THSD7B: variants seen among roughly 807,000 people sequenced by gnomAD.
THSD7B encodes the protein thrombospondin type-1 domain-containing protein 7B.
THSD7B carries 138 observed loss-of-function variants against 213.6 expected under a neutral mutation model. The observed-to-expected ratio is 0.65, with a 90% CI of 0.56 to 0.74. The LOEUF is 0.74. THSD7B is among the 30% of genes least tolerant of loss of function. The pLI is 0.00. For missense variants in THSD7B, 1,931 were observed against 1,991.5 expected (o/e 0.97, Z 0.58); for synonymous variants, 742 against 687.0 (o/e 1.08, Z -1.25).
At chr2:137,629,366 G>T (rs992859166) in intron 20 of THSD7B, among the ~76,000 whole-genome samples, 1 of 152,184 alleles carries the variant, frequency 6.6e-6, no homozygotes, top group Non-Finnish European at 1.5e-5. Context: ...AGATCTCCGT[G>T]TTATTCCAAC....
intron 2 of THSD7B, among the ~76,000 whole-genome samples, chr2:136,917,906 A>AT (rs1318431048): frequency 6.6e-6 from 1 of 152,222 alleles, no homozygotes; most frequent in African/African-American, 2.4e-5. Context: ...TAGCTGAAAT[A>AT]TACTGGCTTA....
chr2:137,301,968 G>T (rs1394762484), intron 12 of THSD7B, among the ~76,000 whole-genome samples: 1 of 152,048 alleles, frequency 6.6e-6, no homozygotes, highest in African/African-American at 2.4e-5. Flanking sequence ...TACTTGAAAA[G>T]ACCCAAGCAA....
intron 3 of THSD7B, among the ~76,000 whole-genome samples, chr2:137,062,679 G>A (rs1236572252): frequency 6.6e-6 from 1 of 151,692 alleles, no homozygotes; most frequent in African/African-American, 2.4e-5. Context: ...TATGTTGTAT[G>A]ATTTCTATTC....
intron 7 of THSD7B, among the ~76,000 whole-genome samples, chr2:137,228,119 T>C (rs1681551551): frequency 6.6e-6 from 1 of 150,836 alleles, no homozygotes; most frequent in South Asian, 2.1e-4. Flanking sequence ...GCTAGACACA[T>C]TGCAGCTGAA....
intron 22 of THSD7B, 48 bp from the exon 23 acceptor site, chr2:137,656,748 G>C: frequency 6.4e-7 from 1 of 1,560,742 alleles, no homozygotes; most frequent in Non-Finnish European, 8.7e-7. Flanking sequence ...GTTGTCCAGT[G>C]CCACTTTTCA....
At chr2:137,013,146 A>G in intron 2 of THSD7B, among the ~76,000 whole-genome samples, 1 of 152,250 alleles carries the variant, frequency 6.6e-6, no homozygotes. Context: ...CACATGCTTT[A>G]AAGTTTAAAT....
chr2:136,923,762 A>T (rs1451698766), intron 2 of THSD7B, among the ~76,000 whole-genome samples: 1 of 152,182 alleles, frequency 6.6e-6, no homozygotes, highest in Non-Finnish European at 1.5e-5. Flanking sequence ...CTTTTGGAGA[A>T]CTGTAAATTC....
intron 20 of THSD7B, among the ~76,000 whole-genome samples, chr2:137,638,220 T>C (rs1682869042): frequency 6.6e-6 from 1 of 152,226 alleles, no homozygotes; most frequent in Non-Finnish European, 1.5e-5. Context: ...ACTTGAATTG[T>C]ATCTCCCAGA....
intron 3 of THSD7B, among the ~76,000 whole-genome samples, chr2:137,075,855 A>G (rs1687609712): frequency 6.6e-6 from 1 of 152,186 alleles, no homozygotes; most frequent in African/African-American, 2.4e-5. Context: ...GGTCCACTCC[A>G]GACACTGTTT....
intron 2 of THSD7B, among the ~76,000 whole-genome samples, chr2:137,035,769 C>A (rs991769046): frequency 1.3e-5 from 2 of 152,082 alleles, no homozygotes; most frequent in Admixed American, 6.6e-5. Context: ...GAAGGATTAA[C>A]TAATGTCAGG....
intron 15 of THSD7B, among the ~76,000 whole-genome samples, chr2:137,519,251 A>AAAT (rs1553456924): frequency 6.7e-6 from 1 of 149,134 alleles, no homozygotes; most frequent in East Asian, 2.0e-4. Flanking sequence ...ACTCCATCTC[A>AAAT]AAATAAATAA....
chr2:137,314,793 G>T (rs1019008148), intron 12 of THSD7B, among the ~76,000 whole-genome samples: 1 of 152,188 alleles, frequency 6.6e-6, no homozygotes, highest in African/African-American at 2.4e-5. Flanking sequence ...GCCCCTGCTG[G>T]GGGTTGCCTC....
intron 15 of THSD7B, among the ~76,000 whole-genome samples, chr2:137,550,418 C>T (rs1198508345): frequency 6.6e-6 from 1 of 152,038 alleles, no homozygotes; most frequent in Non-Finnish European, 1.5e-5. Context: ...TTAAACCACG[C>T]ACAATCAGAA....
chr2:137,528,290 A>G (rs981726785), intron 15 of THSD7B, among the ~76,000 whole-genome samples: 1 of 152,028 alleles, frequency 6.6e-6, no homozygotes. Context: ...ACAGCCCTAG[A>G]CTTTAATTTC....
intron 15 of THSD7B, among the ~76,000 whole-genome samples, chr2:137,543,895 A>G (rs957487177): frequency 6.6e-6 from 1 of 151,786 alleles, no homozygotes; most frequent in Non-Finnish European, 1.5e-5. Flanking sequence ...AAGATTAGTC[A>G]TTAGGGAAAT....
intron 10 of THSD7B, among the ~76,000 whole-genome samples, chr2:137,265,291 A>G (rs922064164): frequency 6.6e-6 from 1 of 152,166 alleles, no homozygotes; most frequent in African/African-American, 2.4e-5. Flanking sequence ...TTAGAATGGC[A>G]ATCATTAAAA....
chr2:136,820,013 G>A (rs1682543026), intron 1 of THSD7B, among the ~76,000 whole-genome samples: 1 of 151,998 alleles, frequency 6.6e-6, no homozygotes, highest in South Asian at 2.1e-4. Context: ...AACTCCTCAA[G>A]CAGGCCTTCC....
intron 7 of THSD7B, among the ~76,000 whole-genome samples, chr2:137,173,920 A>C (rs1411068508): frequency 2.0e-5 from 3 of 152,160 alleles, no homozygotes; most frequent in Non-Finnish European, 4.4e-5. Context: ...GACAGGTTTG[A>C]GATATACAGT....
chr2:136,991,737 A>G (rs1685788629), intron 2 of THSD7B, among the ~76,000 whole-genome samples: 1 of 152,212 alleles, frequency 6.6e-6, no homozygotes, highest in South Asian at 2.1e-4. Context: ...TTCTGTCCTC[A>G]TAGCCAATTC....
Sources: allele counts gnomAD v4.1 joint callset (sites outside exome capture counted in the v4.1 genomes callset), GRCh38; gene constraint gnomAD v4.1.1; transcripts MANE v1.5; gene names NCBI Gene and HGNC (gene_info 2026-07-23, HGNC 2026-07-21).